The following SORCS2 variants were observed in gnomAD, a reference collection of about 807,000 sequenced individuals.
SORCS2 encodes the protein sortilin related VPS10 domain containing receptor 2, also known as VPS10 domain-containing receptor SorCS2.
Under a neutral mutation model 141.6 loss-of-function variants are expected in SORCS2, and 100 were observed. The observed-to-expected ratio is 0.71, with a 90% CI of 0.60 to 0.83. SORCS2 has a LOEUF of 0.83. SORCS2 is among the 40% of genes least tolerant of loss of function. SORCS2 has a pLI of 0.00. For synonymous variants in SORCS2, 789 were observed against 676.9 expected (o/e 1.17, Z -2.57); for missense variants, 1,646 against 1,560.2 (o/e 1.05, Z -0.93).
At chr4:7,255,135 C>T (rs1936470979) in intron 1 of SORCS2, among the ~76,000 whole-genome samples, 1 of 151,994 alleles carries the variant, frequency 6.6e-6, no homozygotes, top group African/African-American at 2.4e-5. Flanking sequence ...CATTCACCCA[C>T]CCATTCACTC....
At chr4:7,726,538 C>T (rs1230050698) in intron 20 of SORCS2, among the ~76,000 whole-genome samples, 1 of 152,146 alleles carries the variant, frequency 6.6e-6, no homozygotes, top group Non-Finnish European at 1.5e-5. Flanking sequence ...TGCGCCACTG[C>T]ACTCCAGCCT....
chr4:7,319,731 C>G (rs1052785435), intron 1 of SORCS2, among the ~76,000 whole-genome samples: 1 of 152,116 alleles, frequency 6.6e-6, no homozygotes, highest in African/African-American at 2.4e-5. Context: ...ACAAAAAACA[C>G]ATGACATTTA....
chr4:7,484,439 G>A (rs964987792), intron 2 of SORCS2, among the ~76,000 whole-genome samples: 10 of 152,164 alleles, frequency 6.6e-5, no homozygotes, highest in African/African-American at 2.4e-4. Flanking sequence ...GCCTGCTGGG[G>A]ATCAAGGTGG....
intron 3 of SORCS2, among the ~76,000 whole-genome samples, chr4:7,592,940 T>C (rs1035672070): frequency 6.6e-6 from 1 of 152,378 alleles, no homozygotes. Flanking sequence ...ATGGAGGTGC[T>C]GCTTGGGTTA....
chr4:7,690,659 A>G (rs1254245451), intron 11 of SORCS2, among the ~76,000 whole-genome samples: 2 of 151,832 alleles, frequency 1.3e-5, no homozygotes, highest in African/African-American at 4.8e-5. Flanking sequence ...TGATGGATAG[A>G]TGGTGAATGG....
chr4:7,720,645 C>G (rs1218961977), intron 18 of SORCS2, among the ~76,000 whole-genome samples: 1 of 152,290 alleles, frequency 6.6e-6, no homozygotes, highest in African/African-American at 2.4e-5. Flanking sequence ...GAAGAACACT[C>G]AACAGCAAGG....
chr4:7,723,982 C>A (rs1726785355), intron 19 of SORCS2, 99 bp downstream of exon 19: 2 of 1,364,372 alleles, frequency 1.5e-6, no homozygotes, highest in East Asian at 2.5e-5. Flanking sequence ...TTGCTCTAGG[C>A]CCCTGGTACT....
chr4:7,577,728 A>G (rs539641661), intron 3 of SORCS2, among the ~76,000 whole-genome samples: 56 of 150,258 alleles, frequency 3.7e-4, no homozygotes, highest in Admixed American at 3.4e-3. Context: ...ATACAGGCGA[A>G]GTCAGCTAGT....
At chr4:7,534,633 C>T (rs1382427894) in intron 3 of SORCS2, among the ~76,000 whole-genome samples, 1 of 152,172 alleles carries the variant, frequency 6.6e-6, no homozygotes, top group African/African-American at 2.4e-5. Flanking sequence ...GCAGGAGGGC[C>T]AGGCCTGCAG....
intron 10 of SORCS2, among the ~76,000 whole-genome samples, chr4:7,685,047 G>A (rs193283294): frequency 4.3e-4 from 66 of 152,308 alleles, no homozygotes; most frequent in African/African-American, 1.4e-3. Context: ...AACACCTGTC[G>A]ACCTGTGTGG....
At chr4:7,689,682 A>C in intron 11 of SORCS2, 94 bp downstream of exon 11, 1 of 1,199,808 alleles carries the variant, frequency 8.3e-7, no homozygotes, top group Admixed American at 2.3e-5. Context: ...CATGAGCCTG[A>C]GGCCATAGTA....
At chr4:7,543,414 TCTATCCATCCATCC>T (rs1712849782) in intron 3 of SORCS2, among the ~76,000 whole-genome samples, 1 of 24,104 alleles carries the variant, frequency 4.1e-5, no homozygotes, top group African/African-American at 6.9e-5. Flanking sequence ...CACCCATCCA[TCTATCCATCCATCC>T]GTCCATCCAT....
intron 1 of SORCS2, among the ~76,000 whole-genome samples, chr4:7,318,317 G>A (rs998159724): frequency 1.5e-4 from 23 of 152,168 alleles, no homozygotes; most frequent in African/African-American, 5.3e-4. Context: ...CTCAAATGTG[G>A]TTCTAGCTGG....
chr4:7,733,333 C>A lies in SORCS2; in HGVS notation c.3120C>A (p.Ala1040=). Residue 1040 remains alanine (A), a synonymous_variant, in exon 24 of 27, where the codon GCC becomes GCA. Transcript: ENST00000507866. The part of the protein sequence containing the change: ...RSLSSDKRLA[A]IQQVLNAQKI... ...CTCTGTGCTTGCAGAGGCTCGCCGC[C>A]ATCCAGCAGGTGCTGAACGCACAGA... 6.4e-7 allele frequency: 1 copy of A among 1,556,638 alleles called. No individual in the cohort carries two copies. The highest frequency in any genetic ancestry group is 1.9e-5 in the Admixed American group (1 of 51,574).
At chr4:7,356,413 T>C (rs1413511552) in intron 1 of SORCS2, among the ~76,000 whole-genome samples, 3 of 152,196 alleles carry the variant, frequency 2.0e-5, no homozygotes, top group African/African-American at 4.8e-5. Context: ...GTGAGGGCTC[T>C]TTTCCTGGCT....
chr4:7,517,781 G>T (rs1733081672), intron 2 of SORCS2, among the ~76,000 whole-genome samples: 1 of 152,212 alleles, frequency 6.6e-6, no homozygotes, highest in African/African-American at 2.4e-5. Flanking sequence ...AGAGGCTGGG[G>T]AGGAGTTAAA....
rs113838922 is a variant in SORCS2 at position 7,471,162 on chromosome 4, A to G, written c.549-60368A>G. Among the ~76,000 whole-genome samples, 68 of 152,338 alleles carry G rather than the reference A, an allele frequency of 4.5e-4. 1 individual carries two copies. Among genetic ancestry groups the G allele is most frequent in the African/African-American group, 1.6e-3 (67 of 41,570 alleles). Reference sequence around the variant, plus strand: ...GGGACAGATGCGTTGGGAACAGGTCAGCGTTGCACCCGCCCGCTATCGGGG... The same window carrying G: ...GGGACAGATGCGTTGGGAACAGGTCGGCGTTGCACCCGCCCGCTATCGGGG... On this transcript the variant is annotated intron_variant, in intron 2 of 26. Transcript: ENST00000507866.
chr4:7,481,297 C>A (rs17828016), intron 2 of SORCS2, among the ~76,000 whole-genome samples: 1 of 152,198 alleles, frequency 6.6e-6, no homozygotes, highest in Non-Finnish European at 1.5e-5. Context: ...CAGGGGTCTT[C>A]GCTGCACAGG....
intron 2 of SORCS2, among the ~76,000 whole-genome samples, chr4:7,449,491 G>A (rs185522887): frequency 1.5e-4 from 22 of 144,988 alleles, no homozygotes; most frequent in Admixed American, 8.4e-4. Flanking sequence ...AAGTTACCAC[G>A]TGACGTTGTG....
Sources: gnomAD v4.1 joint callset for allele counts (sites outside exome capture counted in the v4.1 genomes callset) on GRCh38, gnomAD v4.1.1 for gene constraint, MANE v1.5 for transcripts, NCBI Gene and HGNC (gene_info 2026-07-23, HGNC 2026-07-21) for gene names.